UCN3: variants seen among roughly 807,000 people sequenced by gnomAD.
The protein encoded by UCN3 is urocortin 3.
UCN3 carries 3 observed loss-of-function variants against 3.6 expected under a neutral mutation model. That is an observed-to-expected ratio of 0.83 (90% CI 0.38 to 2.15). UCN3 has a LOEUF of 2.15. Ranked by LOEUF, UCN3 falls within the 30% of genes most tolerant of loss-of-function variation. The pLI is 0.06. For missense variants in UCN3, 206 were observed against 208.3 expected, an observed-to-expected ratio of 0.99 and a Z score of 0.07; for synonymous variants, 100 against 93.2, an observed-to-expected ratio of 1.07 and a Z score of -0.42.
chr10:5,369,907 GTGTGTATA>G (rs1554811044), intron 1 of UCN3, among the ~76,000 whole-genome samples: 8 of 135,682 alleles, frequency 5.9e-5, no homozygotes, highest in African/African-American at 2.3e-4. Flanking sequence ...GTATATGTGT[GTGTGTATA>G]TGTGTGTGTA....
At chr10:5,372,138 A>G (rs1831437096) in intron 1 of UCN3, among the ~76,000 whole-genome samples, 1 of 152,240 alleles carries the variant, frequency 6.6e-6, no homozygotes, top group Non-Finnish European at 1.5e-5. Flanking sequence ...AAGGACAACA[A>G]TGAATAAATA....
chr10:5,368,924 G>A (rs1215024167), intron 1 of UCN3, among the ~76,000 whole-genome samples: 3 of 152,156 alleles, frequency 2.0e-5, no homozygotes, highest in Admixed American at 6.5e-5. Context: ...GCAGAGCAGC[G>A]GTTCTCAGAG....
chr10:5,370,316 T>TATGC lies in UCN3; in HGVS notation c.-6-3399_-6-3398insATGC, dbSNP rs1554811193. On this transcript the variant is annotated intron_variant, in intron 1 of 1. Coordinates refer to ENST00000380433, the MANE Select transcript of UCN3 (RefSeq NM_053049.4). The stretch of plus-strand genomic sequence containing the variant: ...GTGTATGCGTGTGTATATGCGTGTA[T>TATGC]GTGTGTGTATATGCGTGTGTATATG... 1.6e-4 allele frequency among the ~76,000 whole-genome samples: 10 copies of TATGC among 61,024 alleles called. 1 individual carries two copies. The highest frequency in any genetic ancestry group is 2.8e-4 in the Non-Finnish European group (9 of 31,840). 40.0% of individuals were successfully genotyped at this position (61,024 alleles called of 152,430 possible). A position where few individuals can be genotyped will look rare whatever the true frequency, so the allele number is the denominator to read the frequency against.
chr10:5,367,735 C>T lies in UCN3; in HGVS notation c.-7+2505C>T, dbSNP rs1379415682. The stretch of plus-strand genomic sequence containing the variant: ...CGTGTGAGCAGAGCCCCAAGATGGG[C>T]TTGAACTCAGAAAGTAGTCTGAGTT... On this transcript the variant is annotated intron_variant, in intron 1 of 1. Transcript: ENST00000380433. The surrounding 1 kb of genome is among the most constrained non-coding windows in gnomAD (Gnocchi z 4.3). 6.6e-6 allele frequency among the ~76,000 whole-genome samples: 1 copy of T among 152,226 alleles called. No individual in the cohort carries two copies. Among genetic ancestry groups the T allele is most frequent in the Non-Finnish European group, 1.5e-5 (1 of 68,048 alleles).
rs1831400153 is a variant in UCN3 at position 5,370,820 on chromosome 10, T to C, written c.-6-2895T>C. On this transcript the variant is annotated intron_variant, in intron 1 of 1. Transcript: ENST00000380433. ...GTGTGTATATGTGTGTGTGCGTGTG[T>C]GTGCGCGCGTGTGTGTGCGCGTGTG... Among the ~76,000 whole-genome samples the C allele has an allele frequency of 1.8e-5, 2 of 108,766 alleles. 1 individual carries two copies. The highest frequency in any genetic ancestry group is 7.4e-5 in the African/African-American group (2 of 27,092). 71.4% of individuals were successfully genotyped at this position (108,766 alleles called of 152,430 possible).
intron 1 of UCN3, among the ~76,000 whole-genome samples, chr10:5,370,057 G>A (rs1588399434): frequency 1.7e-5 from 2 of 114,524 alleles, no homozygotes; most frequent in East Asian, 2.9e-4. Context: ...GTGTGTATGT[G>A]TGTGTATATG....
chr10:5,369,925 ATGTGTGTGTGTG>A (rs200059976), intron 1 of UCN3, among the ~76,000 whole-genome samples: 1 of 55,024 alleles, frequency 1.8e-5, no homozygotes, highest in African/African-American at 7.8e-5. Flanking sequence ...ATGTGTGTGT[ATGTGTGTGTGTG>A]TATGTGTGTG....
Position 5,370,592 on chromosome 10 carries a change from T to C in UCN3, c.-6-3123T>C, listed in dbSNP as rs782231236. Reference sequence around the variant, plus strand: ...ATATGCGTGTATATGTGTGTATATGTGTGTGTGTATGCGTGTGTATATGCG... The same window carrying C: ...ATATGCGTGTATATGTGTGTATATGCGTGTGTGTATGCGTGTGTATATGCG... On this transcript the variant is annotated intron_variant, in intron 1 of 1. Coordinates refer to ENST00000380433, the MANE Select transcript of UCN3 (RefSeq NM_053049.4). Among the ~76,000 whole-genome samples the C allele has an allele frequency of 4.2e-4, 38 of 90,862 alleles. 3 individuals are homozygous for C. Among genetic ancestry groups the C allele is most frequent in the African/African-American group, 1.3e-3 (27 of 21,162 alleles). The allele number at this position is 90,862 out of a possible 152,430, so 59.6% of individuals were successfully genotyped here. A position where few individuals can be genotyped will look rare whatever the true frequency, so the allele number is the denominator to read the frequency against.
intron 1 of UCN3, 110 bp from the exon 2 acceptor site, chr10:5,373,605 A>C: frequency 6.7e-7 from 1 of 1,491,284 alleles, no homozygotes; most frequent in Non-Finnish European, 8.9e-7. Context: ...TCATACTTGG[A>C]GAACCCTTGT....
rs1564443748 is a variant in UCN3, at chr10:5,370,879, A to ATGTGCG, written c.-6-2835_-6-2834insGTGCGT. 1.0e-4 allele frequency among the ~76,000 whole-genome samples: 8 copies of ATGTGCG among 76,534 alleles called. 3 individuals carry two copies. Among genetic ancestry groups the ATGTGCG allele is most frequent in the African/African-American group, 4.8e-4 (8 of 16,576 alleles). 50.2% of individuals were successfully genotyped at this position (76,534 alleles called of 152,430 possible). A position where few individuals can be genotyped will look rare whatever the true frequency, so the allele number is the denominator to read the frequency against. ...TGTGTGTGCGTGTGTATGTGTGTGT[A>ATGTGCG]TATGCGTGTGTATATGCGTGTGTAT... On this transcript the variant is annotated intron_variant, in intron 1 of 1. Transcript: ENST00000380433.
Position 5,373,848 on chromosome 10 carries a change from C to G in UCN3, c.128C>G (p.Ala43Gly). The G allele has an allele frequency of 6.2e-7, 1 of 1,614,080 alleles. No homozygotes were observed. The highest frequency in any genetic ancestry group is 8.5e-7 in the Non-Finnish European group (1 of 1,179,990). Residue 43 changes from alanine (A) to glycine (G), a missense_variant, in exon 2 of 2, where the codon GCT becomes GGT. Physicochemically the swap from Ala to Gly is moderately conservative, Grantham distance 60. Coordinates refer to ENST00000380433, the MANE Select transcript of UCN3 (RefSeq NM_053049.4). ...FSCLNTALSE[A>G]EKGQWEDASL... Reference sequence around the variant, plus strand: ...TGCCTCAACACCGCCCTGTCTGAGGCTGAGAAGGGCCAGTGGGAGGATGCA... The same window carrying G: ...TGCCTCAACACCGCCCTGTCTGAGGGTGAGAAGGGCCAGTGGGAGGATGCA...
At chr10:5,369,252 T>C (rs1831297583) in intron 1 of UCN3, among the ~76,000 whole-genome samples, 1 of 152,204 alleles carries the variant, frequency 6.6e-6, no homozygotes, top group Admixed American at 6.5e-5. Context: ...TCTCTGTACA[T>C]ATGTGTATTG....
chr10:5,370,811 G>A (rs1272421758), intron 1 of UCN3, among the ~76,000 whole-genome samples: 11 of 127,500 alleles, frequency 8.6e-5, no homozygotes, highest in African/African-American at 1.9e-4. Context: ...ATATGTGTGT[G>A]TGCGTGTGTG....
intron 1 of UCN3, among the ~76,000 whole-genome samples, chr10:5,370,653 GTA>G (rs879989423): frequency 0.13 from 8,680 of 67,292 alleles, 1,826 homozygotes; most frequent in African/African-American, 0.31. Flanking sequence ...ATATGTGTGT[GTA>G]TGTGTGTGTA....
At chr10:5,372,716 A>ATTTTTTTT (rs1156663637) in intron 1 of UCN3, among the ~76,000 whole-genome samples, 1 of 127,690 alleles carries the variant, frequency 7.8e-6, no homozygotes, top group Non-Finnish European at 1.6e-5. Context: ...CGCCCAGCTA[A>ATTTTTTTT]TTTTTTTTTT....
Position 5,373,931 on chromosome 10 carries a change from G to C in UCN3, c.211G>C (p.Glu71Gln). The C allele has an allele frequency of 6.2e-7, 1 of 1,611,390 alleles. No homozygotes were observed. Among genetic ancestry groups the C allele is most frequent in the South Asian group, 1.1e-5 (1 of 90,686 alleles). ...GCGCAGCAGAGACGCCTCTTCGGGAGAGGAGGAGGAGGGCAAAGAGAAAAA... is the reference window on the plus strand; with the variant it reads ...GCGCAGCAGAGACGCCTCTTCGGGACAGGAGGAGGAGGGCAAAGAGAAAAA... ...YLRSRDASSG[E>Q]EEEGKEKKTF... is the part of the protein sequence containing the mutation. Residue 71 changes from glutamate (E) to glutamine (Q), a missense_variant, in exon 2 of 2, where the codon GAG becomes CAG. Physicochemically the swap from Glu to Gln is conservative, Grantham distance 29. Coordinates refer to ENST00000380433, the MANE Select transcript of UCN3 (RefSeq NM_053049.4).
chr10:5,374,283 A>AGGGCG lies in UCN3; in HGVS notation c.*80_*81insCGGGG, dbSNP rs1831474913. 1 of 48,918 alleles carries AGGGCG rather than the reference A, an allele frequency of 2.0e-5. No individual in the cohort carries two copies. The highest frequency in any genetic ancestry group is 2.6e-4 in the Admixed American group (1 of 3,912). The allele number at this position is 48,918 out of a possible 1,614,324, so 3.0% of individuals were successfully genotyped here. A position where few individuals can be genotyped will look rare whatever the true frequency, so the allele number is the denominator to read the frequency against. On this transcript the variant is annotated 3_prime_UTR_variant, in exon 2 of 2. Transcript: ENST00000380433. ...GAGGGGAGGGCGAGGGGGGGAGGGG[A>AGGGCG]GGGGGAGGGTGCTGTCTGCTGGTTT...
intron 1 of UCN3, among the ~76,000 whole-genome samples, chr10:5,368,096 C>A (rs782329094): frequency 3.3e-5 from 5 of 152,168 alleles, no homozygotes; most frequent in Non-Finnish European, 7.3e-5. Context: ...CTCCACCTCC[C>A]AGGCTCAAGC....
chr10:5,370,395 A>ATATGTGTGTG (rs1831360719), intron 1 of UCN3, among the ~76,000 whole-genome samples: 2 of 16,934 alleles, frequency 1.2e-4, no homozygotes, highest in East Asian at 1.9e-3. Flanking sequence ...ATGCGTGTGT[A>ATATGTGTGTG]TATGTGTGTG....
Sources: gnomAD v4.1 joint callset for allele counts (sites outside exome capture counted in the v4.1 genomes callset) on GRCh38, gnomAD v4.1.1 for gene constraint, Gnocchi (gnomAD v3.1) non-coding constraint, MANE v1.5 for transcripts, NCBI Gene and HGNC (gene_info 2026-07-23, HGNC 2026-07-21) for gene names.